SMAP1: variants seen among roughly 807,000 people sequenced by gnomAD.
SMAP1 encodes the protein stromal membrane-associated protein 1.
Under a neutral mutation model 58.5 loss-of-function variants are expected in SMAP1, and 24 were observed. That is an observed-to-expected ratio of 0.41 (90% confidence interval 0.30 to 0.58). The LOEUF is 0.58. Among genes scored for constraint, SMAP1 ranks in the 20% least tolerant of loss-of-function variants. SMAP1 has a pLI of 0.29. For synonymous variants in SMAP1, 216 were observed against 196.6 expected, an observed-to-expected ratio of 1.10 and a Z score of -0.82; for missense variants, 563 against 566.3, an observed-to-expected ratio of 0.99 and a Z score of 0.06.
intron 3 of SMAP1, among the ~76,000 whole-genome samples, chr6:70,764,853 G>A (rs1766897829): frequency 2.0e-5 from 3 of 152,090 alleles, no homozygotes; most frequent in Admixed American, 2.0e-4. Context: ...AGGCTGGAAT[G>A]CAGTGGTGCG....
intron 1 of SMAP1, among the ~76,000 whole-genome samples, chr6:70,669,786 A>C (rs1255353253): frequency 1.3e-5 from 2 of 152,234 alleles, no homozygotes; most frequent in African/African-American, 4.8e-5. Flanking sequence ...TAAAAGTCGA[A>C]TAGTAACAGT....
chr6:70,852,789 G>T, intron 8 of SMAP1, 125 bp downstream of exon 8: 2 of 1,181,122 alleles, frequency 1.7e-6, no homozygotes, highest in Non-Finnish European at 2.2e-6. Flanking sequence ...TGTTCTTTAG[G>T]CTAGAGTTTA....
chr6:70,852,480 G>T, intron 7 of SMAP1, 60 bp from the exon 8 acceptor site: 2 of 1,358,858 alleles, frequency 1.5e-6, no homozygotes, highest in South Asian at 2.1e-5. Flanking sequence ...TTAAAATAAT[G>T]CCATGTTTCA....
chr6:70,674,285 G>T (rs1410632168), intron 1 of SMAP1, among the ~76,000 whole-genome samples: 3 of 151,860 alleles, frequency 2.0e-5, no homozygotes, highest in African/African-American at 4.8e-5. Context: ...CCTAATTTTT[G>T]TATTTTTTGT....
intron 3 of SMAP1, among the ~76,000 whole-genome samples, chr6:70,762,014 A>G (rs568504945): frequency 7.9e-5 from 12 of 152,076 alleles, no homozygotes; most frequent in Non-Finnish European, 1.6e-4. Context: ...TGCCGGTGTA[A>G]TAATAAGTGC....
intron 1 of SMAP1, among the ~76,000 whole-genome samples, chr6:70,673,634 T>C (rs1475036960): frequency 3.3e-5 from 5 of 152,366 alleles, no homozygotes; most frequent in East Asian, 3.9e-4. Flanking sequence ...TTGATGCTTA[T>C]AGGACAAATT....
At chr6:70,687,775 T>C (rs1766993349) in intron 1 of SMAP1, among the ~76,000 whole-genome samples, 5 of 152,218 alleles carry the variant, frequency 3.3e-5, no homozygotes. Context: ...AACCCACCAA[T>C]CTTACTGTGA....
At chr6:70,790,895 T>C (rs991620045) in intron 4 of SMAP1, among the ~76,000 whole-genome samples, 4 of 152,350 alleles carry the variant, frequency 2.6e-5, no homozygotes, top group African/African-American at 9.6e-5. Flanking sequence ...AGTTACATTT[T>C]GGCAGTAAAA....
At chr6:70,716,841 A>G (rs754615569) in intron 1 of SMAP1, among the ~76,000 whole-genome samples, 1 of 152,098 alleles carries the variant, frequency 6.6e-6, no homozygotes, top group African/African-American at 2.4e-5. Flanking sequence ...ATTGCATATC[A>G]TCATTTCCTT....
intron 1 of SMAP1, among the ~76,000 whole-genome samples, chr6:70,704,429 T>C (rs1767756100): frequency 6.6e-6 from 1 of 152,240 alleles, no homozygotes; most frequent in Non-Finnish European, 1.5e-5. Context: ...TGTATTTTGC[T>C]GACTGCTAAT....
At position 70,783,599 on chromosome 6, in the gene SMAP1, G is replaced by C. The variant is rs556215808; in HGVS notation, c.415-8090G>C. ...TAACTAGAATAACCAATGCAGAGAA[G>C]TGCTTAAAGGAGCTGATGGAGCTGA... is the stretch of plus-strand genomic sequence containing the variant. On this transcript the variant is annotated intron_variant, in intron 4 of 10. Coordinates refer to ENST00000370455, the MANE Select transcript of SMAP1 (RefSeq NM_001044305.3). Among the ~76,000 whole-genome samples, 6 of 152,300 alleles carry C rather than the reference G, an allele frequency of 3.9e-5. 1 individual carries two copies. The South Asian group carries it at 1.2e-3, about 32-fold the overall frequency.
At chr6:70,721,844 A>AT (rs779790213) in intron 1 of SMAP1, among the ~76,000 whole-genome samples, 26 of 152,306 alleles carry the variant, frequency 1.7e-4, no homozygotes, top group Non-Finnish European at 2.8e-4. Context: ...CGTGAGACTT[A>AT]TTAACTATAA....
chr6:70,714,339 CT>C (rs1238156181), intron 1 of SMAP1, among the ~76,000 whole-genome samples: 1 of 151,776 alleles, frequency 6.6e-6, no homozygotes, highest in East Asian at 1.9e-4. Flanking sequence ...CGTCTTGTTG[CT>C]TTTTGTAATG....
chr6:70,852,792 A>G (rs1771239107), intron 8 of SMAP1, 128 bp downstream of exon 8: 1 of 1,130,886 alleles, frequency 8.8e-7, no homozygotes, highest in Non-Finnish European at 1.2e-6. Flanking sequence ...TCTTTAGGCT[A>G]GAGTTTAGCA....
intron 6 of SMAP1, among the ~76,000 whole-genome samples, chr6:70,834,371 C>CAAAAA (rs3034191): frequency 2.9e-4 from 40 of 136,364 alleles, no homozygotes; most frequent in Non-Finnish European, 5.0e-4. Flanking sequence ...TAAAATACAC[C>CAAAAA]AAAAAAAAAA....
intron 1 of SMAP1, among the ~76,000 whole-genome samples, chr6:70,719,298 C>T (rs1554193276): frequency 6.6e-6 from 1 of 152,040 alleles, no homozygotes; most frequent in Non-Finnish European, 1.5e-5. Context: ...TACAGGGATA[C>T]TTTTTTAAAA....
intron 6 of SMAP1, among the ~76,000 whole-genome samples, chr6:70,814,713 C>G (rs79308568): frequency 0.02 from 3,018 of 152,238 alleles, 87 homozygotes; most frequent in African/African-American, 0.069. Context: ...TCTAGCCACT[C>G]TGACATTCAG....
At chr6:70,816,649 A>T (rs186047129) in intron 6 of SMAP1, among the ~76,000 whole-genome samples, 1 of 152,322 alleles carries the variant, frequency 6.6e-6, no homozygotes, top group Non-Finnish European at 1.5e-5. Flanking sequence ...AGCACTGGGG[A>T]TATAGTAGAA....
intron 2 of SMAP1, among the ~76,000 whole-genome samples, chr6:70,753,653 G>A (rs895979441): frequency 7.9e-5 from 12 of 152,046 alleles, no homozygotes; most frequent in Admixed American, 6.6e-4. Flanking sequence ...TAGCCACTGT[G>A]ATGTCATAGA....
Sources: gnomAD v4.1 joint callset for allele counts (sites outside exome capture counted in the v4.1 genomes callset) on GRCh38, gnomAD v4.1.1 for gene constraint, MANE v1.5 for transcripts, NCBI Gene and HGNC (gene_info 2026-07-23, HGNC 2026-07-21) for gene names.